TNK2: variants seen among roughly 807,000 people sequenced by gnomAD.
TNK2 encodes tyrosine kinase non receptor 2.
A neutral mutation model predicts 101.8 loss-of-function variants in TNK2; 83 were observed. The observed-to-expected ratio is 0.82, with a 90% CI of 0.68 to 0.98. TNK2 has a LOEUF of 0.98. Ranked by LOEUF, TNK2 falls within the 50% of genes least tolerant of loss-of-function variation. TNK2 has a pLI of 0.00. For missense variants in TNK2, 1,665 were observed against 1,483.2 expected (o/e 1.12, Z -2.01); for synonymous variants, 804 against 633.0 (o/e 1.27, Z -4.06).
At position 195,878,616 on chromosome 3, in the gene TNK2, T is replaced by C. The variant is rs1265052472; in HGVS notation, c.1015-24A>G. The C allele has an allele frequency of 2.5e-6, 4 of 1,604,694 alleles. No homozygotes were observed. Among genetic ancestry groups the C allele is most frequent in the Non-Finnish European group, 3.4e-6 (4 of 1,174,414 alleles). On this transcript the variant is annotated intron_variant, in intron 7 of 15. Coordinates refer to ENST00000672887, the MANE Select transcript of TNK2 (RefSeq NM_001382273.1). This position sits in a 1 kb window ranked among gnomAD's most constrained non-coding sequence, Gnocchi z 4.7. ...ATCTGAAGGTGAGGAGGTGCAGAGT[T>C]TGACGACAAACAGAGCGCCCAGCCC...
intron 1 of TNK2, chr3:195,894,275 AGAAATAT>A (rs1759728248): frequency 6.6e-6 from 1 of 152,288 alleles, no homozygotes; most frequent in Non-Finnish European, 1.5e-5. Flanking sequence ...TAGCGTCCCC[AGAAATAT>A]GTGTCTCAAA....
chr3:195,897,504 T>A (rs191322875), intron 1 of TNK2, among the ~76,000 whole-genome samples: 1 of 152,214 alleles, frequency 6.6e-6, no homozygotes, highest in East Asian at 1.9e-4. Flanking sequence ...ACCCCACATG[T>A]TTTTTGTTTG....
At position 195,886,873 on chromosome 3, in the gene TNK2, A is replaced by C; in HGVS notation, c.234+104T>G. 3 of 1,298,960 alleles carry C rather than the reference A, an allele frequency of 2.3e-6. No individual in the cohort carries two copies. In the African/African-American group the frequency reaches 4.4e-5, roughly 19 times the overall value. 80.5% of individuals were successfully genotyped at this position (1,298,960 alleles called of 1,614,324 possible). On this transcript the variant is annotated intron_variant, in intron 3 of 15. Transcript: ENST00000672887. The surrounding 1 kb of genome is among the most constrained non-coding windows in gnomAD (Gnocchi z 4.2). The stretch of plus-strand genomic sequence containing the variant: ...TGTACAAAGTGCCGGCAGAACGGCG[A>C]GATTCGACCTGCCGGGGAGCTGGGG...
Position 195,878,519 on chromosome 3 carries a change from A to G in TNK2, c.1088T>C (p.Val363Ala), listed in dbSNP as rs370013968. The G allele has an allele frequency of 1.2e-4, 195 of 1,613,694 alleles. No homozygotes were observed. Among genetic ancestry groups the G allele is most frequent in the Non-Finnish European group, 1.6e-4 (185 of 1,180,026 alleles). ...CTTGTGAGCCCAGCACTGGACCATG[A>G]CGTTGTAGATGTCCTGGGGACAGTC... is the stretch of plus-strand genomic sequence containing the variant. ...PEDCPQDIYN[V>A]MVQCWAHKPE... The change falls in exon 8 of 16, where the codon GTC becomes GCC. Residue 363 changes from valine to alanine, a missense_variant. This residue lies in a region of TNK2 where 490 missense variants were observed against 522.5 expected (regional missense o/e 0.94). Coordinates refer to ENST00000672887, the MANE Select transcript of TNK2 (RefSeq NM_001382273.1). This position sits in a 1 kb window ranked among gnomAD's most constrained non-coding sequence, Gnocchi z 4.7.
rs201887578 is a variant in TNK2 at position 195,866,950 on chromosome 3, C to G, written c.3100G>C (p.Asp1034His). Residue 1034 changes from aspartate (D) to histidine (H), a missense_variant, in exon 15 of 16, where the codon GAC becomes CAC. Physicochemically the swap from Asp to His is moderately conservative, Grantham distance 81. Transcript: ENST00000672887. ...GECHKVLEMF[D>H]WNLEQAGCHL... The stretch of plus-strand genomic sequence containing the variant: ...CAGCCGGCCTGCTCCAGGTTCCAGT[C>G]GAACATCTCCAGCACTTTGTGGCAC... 5 of 1,613,004 alleles carry G rather than the reference C, an allele frequency of 3.1e-6. No homozygotes were observed. Among genetic ancestry groups the G allele is most frequent in the Admixed American group, 1.7e-5 (1 of 60,000 alleles).
Position 195,887,053 on chromosome 3 carries a change from G to A in TNK2, c.164-6C>T, listed in dbSNP as rs750659509. 1.2e-6 allele frequency: 2 copies of A among 1,613,646 alleles called. No homozygotes were observed. Among genetic ancestry groups the A allele is most frequent in the South Asian group, 1.1e-5 (1 of 90,974 alleles). Reference sequence around the variant, plus strand: ...CTCCCACAGCCGCCGCTGGCCTGCAGGGAGAGCGGGGAACCGCGTGCTGTG... The same window carrying A: ...CTCCCACAGCCGCCGCTGGCCTGCAAGGAGAGCGGGGAACCGCGTGCTGTG... On this transcript the variant is annotated splice_region_variant and splice_polypyrimidine_tract_variant and intron_variant, in intron 2 of 15. Coordinates refer to ENST00000672887, the MANE Select transcript of TNK2 (RefSeq NM_001382273.1).
intron 10 of TNK2, among the ~76,000 whole-genome samples, chr3:195,871,164 A>G (rs1745017820): frequency 6.8e-6 from 1 of 148,140 alleles, no homozygotes; most frequent in Non-Finnish European, 1.5e-5. Flanking sequence ...TGCGGCCAGC[A>G]GAGAGGCTTG....
intron 12 of TNK2, 26 bp from the exon 13 acceptor site, chr3:195,868,735 A>G (rs765256922): frequency 2.6e-6 from 4 of 1,524,788 alleles, no homozygotes; most frequent in African/African-American, 1.4e-5. Flanking sequence ...AGAGCCCAAC[A>G]GGAAGGCAGT....
Position 195,885,421 on chromosome 3 carries a change from A to C in TNK2, c.235-388T>G. 1 of 1,324,794 alleles carries C rather than the reference A, an allele frequency of 7.5e-7. No individual in the cohort carries two copies. Among genetic ancestry groups the C allele is most frequent in the Non-Finnish European group, 9.9e-7 (1 of 1,012,242 alleles). The allele number at this position is 1,324,794 out of a possible 1,614,324, so 82.1% of individuals were successfully genotyped here. On this transcript the variant is annotated intron_variant, in intron 3 of 15. Coordinates refer to ENST00000672887, the MANE Select transcript of TNK2 (RefSeq NM_001382273.1). The surrounding 1 kb of genome is among the most constrained non-coding windows in gnomAD (Gnocchi z 4.7). ...CAGACTCCAGCCCTAACCCGCATCG[A>C]TGGAGCCGCAGGGGCCCTCCACAGA... is the stretch of plus-strand genomic sequence containing the variant.
At position 195,880,492 on chromosome 3, in the gene TNK2, A is replaced by G. The variant is rs1217769602; in HGVS notation, c.888-1317T>C. Among the ~76,000 whole-genome samples the G allele has an allele frequency of 3.1e-5, 2 of 63,642 alleles. 1 individual carries two copies. The highest frequency in any genetic ancestry group is 3.0e-4 in the Admixed American group (2 of 6,676). 41.8% of individuals were successfully genotyped at this position (63,642 alleles called of 152,430 possible). A position where few individuals can be genotyped will look rare whatever the true frequency, so the allele number is the denominator to read the frequency against. ...CAGCAGTGACCCTCGGAGAGGACAC[A>G]GCATCTATCCCTGTAACACCCCCCC... On this transcript the variant is annotated intron_variant, in intron 6 of 15. Transcript: ENST00000672887.
chr3:195,865,646 A>T (rs1740280052), intron 15 of TNK2, among the ~76,000 whole-genome samples: 1 of 149,834 alleles, frequency 6.7e-6, no homozygotes. Flanking sequence ...CGAGACAATG[A>T]CAGACAGGTG....
intron 15 of TNK2, among the ~76,000 whole-genome samples, chr3:195,866,229 C>G (rs558646215): frequency 6.6e-6 from 1 of 151,724 alleles, no homozygotes; most frequent in South Asian, 2.1e-4. Flanking sequence ...TGGAGACAGT[C>G]TCCCTCTGTC....
At chr3:195,873,761 C>A (rs1354068296) in intron 9 of TNK2, among the ~76,000 whole-genome samples, 1 of 152,066 alleles carries the variant, frequency 6.6e-6, no homozygotes, top group Non-Finnish European at 1.5e-5. Context: ...AGCGGGGTGA[C>A]TCCGGAACAG....
rs1211862980 is a variant in TNK2 at position 195,868,180 on chromosome 3, G to A, written c.2118C>T (p.Pro706=). ...PPLEDNLFLP[P]QGGGKPPSSA... ...AGCTGGGCGGCTTGCCCCCACCCTG[G>A]GGCGGGAGGAACAGGTTGTCCTCCA... The change falls in exon 13 of 16, where the codon CCC becomes CCT. Residue 706 remains proline, a synonymous_variant. Coordinates refer to ENST00000672887, the MANE Select transcript of TNK2 (RefSeq NM_001382273.1). 1.2e-6 allele frequency: 2 copies of A among 1,609,894 alleles called. No homozygotes were observed. Among genetic ancestry groups the A allele is most frequent in the Non-Finnish European group, 1.7e-6 (2 of 1,178,922 alleles).
intron 2 of TNK2, among the ~76,000 whole-genome samples, chr3:195,887,905 T>TGAGCGCGTGCGTAC: frequency 7.9e-6 from 1 of 126,242 alleles, no homozygotes; most frequent in South Asian, 2.2e-4. Context: ...CATGCGTGTG[T>TGAGCGCGTGCGTAC]GCACGTGCAT....
chr3:195,864,184 G>A lies in TNK2; in HGVS notation c.3165C>T (p.Arg1055=). Residue 1055 remains arginine (R), a synonymous_variant, in exon 16 of 16, where the codon CGC becomes CGT. Transcript: ENST00000672887. ...CCTCTGGCTCTCCAGACGCATCTCAGCGCCTAGAGAATGGGAAACCACCAG... is the reference window on the plus strand; with the variant it reads ...CCTCTGGCTCTCCAGACGCATCTCAACGCCTAGAGAATGGGAAACCACCAG... The part of the protein sequence containing the change: ...LGSWGPAHHK[R] The A allele has an allele frequency of 1.2e-6, 2 of 1,614,026 alleles. No individual in the cohort carries two copies. Among genetic ancestry groups the A allele is most frequent in the Non-Finnish European group, 1.7e-6 (2 of 1,179,946 alleles).
intron 9 of TNK2, among the ~76,000 whole-genome samples, chr3:195,877,628 C>T (rs1250700607): frequency 1.3e-5 from 2 of 152,208 alleles, no homozygotes; most frequent in Admixed American, 1.3e-4. Context: ...TCAGCCAGCA[C>T]AAGGCAGGGC....
At chr3:195,875,936 G>A (rs1046170914) in intron 9 of TNK2, among the ~76,000 whole-genome samples, 2 of 152,216 alleles carry the variant, frequency 1.3e-5, no homozygotes, top group East Asian at 3.9e-4. Context: ...CGGGCCGAAG[G>A]TAGTCCAGAA....
intron 1 of TNK2, among the ~76,000 whole-genome samples, chr3:195,899,430 G>A (rs562558613): frequency 6.6e-5 from 10 of 151,998 alleles, no homozygotes; most frequent in Admixed American, 5.9e-4. Context: ...GGGTTTAAGC[G>A]ATTCTCCTGC....
Sources: gnomAD v4.1 joint callset for allele counts (sites outside exome capture counted in the v4.1 genomes callset) on GRCh38, gnomAD v4.1.1 for gene constraint, gnomAD v4.1.1 regional missense constraint, Gnocchi (gnomAD v3.1) non-coding constraint, MANE v1.5 for transcripts, NCBI Gene and HGNC (gene_info 2026-07-23, HGNC 2026-07-21) for gene names.